Variants in ZNF527 observed in about 807,000 individuals in gnomAD.
ZNF527 encodes the protein zinc finger protein 527.
Under a neutral mutation model 13.5 loss-of-function variants are expected in ZNF527, and 5 were observed. The ratio of observed to expected loss-of-function variants is 0.37; its 90% CI spans 0.19 to 0.78. The LOEUF (loss-of-function observed/expected upper bound fraction) is 0.78, where lower values mean the gene tolerates loss of function less well. Among genes scored for constraint, ZNF527 ranks in the 30% least tolerant of loss-of-function variants. ZNF527 has a pLI of 0.48. For missense variants in ZNF527, 628 were observed against 726.4 expected (o/e 0.86, Z 1.56); for synonymous variants, 209 against 243.1 (o/e 0.86, Z 1.30).
At chr19:37,377,454 A>G (rs913968093) in intron 2 of ZNF527, among the ~76,000 whole-genome samples, 1 of 151,978 alleles carries the variant, frequency 6.6e-6, no homozygotes, top group African/African-American at 2.4e-5. Flanking sequence ...AGAGGAGGAG[A>G]GTGAATTTAT....
intron 1 of ZNF527, among the ~76,000 whole-genome samples, chr19:37,373,905 A>G (rs1203945667): frequency 6.6e-6 from 1 of 152,210 alleles, no homozygotes; most frequent in Non-Finnish European, 1.5e-5. Flanking sequence ...GGGCCAGATC[A>G]TGAACCACCT....
Position 37,388,742 on chromosome 19 carries a change from G to A in ZNF527, c.693G>A (p.Thr231=), listed in dbSNP as rs73930983. The A allele has an allele frequency of 6.1e-5, 98 of 1,612,726 alleles. No homozygotes were observed. The African/African-American group carries it at 1.1e-3, about 18-fold the overall frequency. The stretch of plus-strand genomic sequence containing the variant: ...AATGTGAAGAATTCAACCAGAGTAC[G>A]TACCTTAGTAAAGATATAGGAATTC... ...GNECEEFNQS[T]YLSKDIGIPP... Residue 231 remains threonine, a synonymous_variant, in exon 5 of 5, where the codon ACG becomes ACA. Transcript: ENST00000436120.
chr19:37,385,089 CTG>C (rs568207684), intron 4 of ZNF527: 2 of 507,806 alleles, frequency 3.9e-6, no homozygotes, highest in Non-Finnish European at 7.1e-6. Flanking sequence ...GCATCCCAAA[CTG>C]TTGGGATTAC....
At chr19:37,379,440 C>A in intron 3 of ZNF527, 194 bp downstream of exon 3, 7 of 395,734 alleles carry the variant, frequency 1.8e-5, no homozygotes, top group Non-Finnish European at 2.1e-5. Flanking sequence ...GGCAGACATT[C>A]TGAACACATG....
chr19:37,381,058 A>G (rs762746334), intron 4 of ZNF527, among the ~76,000 whole-genome samples: 1 of 152,004 alleles, frequency 6.6e-6, no homozygotes, highest in African/African-American at 2.4e-5. Context: ...TATCTTATCA[A>G]TGTCATCATT....
intron 3 of ZNF527, chr19:37,379,686 C>T (rs527403670): frequency 6.5e-6 from 1 of 154,944 alleles, no homozygotes; most frequent in East Asian, 1.9e-4. Context: ...TGGTCTCGAA[C>T]TCCTGACCTC....
In ZNF527 at chr19:37,388,418, C is replaced by T. The variant is rs913665550; in HGVS notation, c.369C>T (p.Cys123=). Residue 123 remains cysteine, a synonymous_variant, in exon 5 of 5, where the codon TGC becomes TGT. Coordinates refer to ENST00000436120, the MANE Select transcript of ZNF527 (RefSeq NM_032453.2). ...GGCTAGCAAGTCATGGCCTTGAATG[C>T]TCCAGTTTCAGAGAAGCCTGGAAAT... The part of the protein sequence containing the change: ...MERLASHGLE[C]SSFREAWKYK... 6.2e-7 allele frequency: 1 copy of T among 1,613,988 alleles called. No individual in the cohort carries two copies. The highest frequency in any genetic ancestry group is 1.3e-5 in the African/African-American group (1 of 74,894).
At chr19:37,372,094 G>T (rs1168314250) in intron 1 of ZNF527, among the ~76,000 whole-genome samples, 1 of 151,312 alleles carries the variant, frequency 6.6e-6, no homozygotes, top group East Asian at 2.0e-4. Context: ...CCGCCTCCCA[G>T]GTTCAAGTGA....
chr19:37,388,406 T>C lies in ZNF527; in HGVS notation c.357T>C (p.His119=), dbSNP rs770426780. 2.0e-5 allele frequency: 32 copies of C among 1,614,032 alleles called. No individual in the cohort carries two copies. Among genetic ancestry groups the C allele is most frequent in the Non-Finnish European group, 2.7e-5 (32 of 1,180,024 alleles). The change falls in exon 5 of 5, where the codon CAT becomes CAC. Residue 119 remains histidine, a synonymous_variant. Transcript: ENST00000436120. ...TGGTAATGGAAAGGCTAGCAAGTCA[T>C]GGCCTTGAATGCTCCAGTTTCAGAG... The part of the protein sequence containing the change: ...QEMVMERLAS[H]GLECSSFREA...
At chr19:37,376,588 C>T (rs754905336) in intron 2 of ZNF527, among the ~76,000 whole-genome samples, 1 of 148,780 alleles carries the variant, frequency 6.7e-6, no homozygotes, top group Non-Finnish European at 1.5e-5. Flanking sequence ...GCAGGAGAAT[C>T]GCTTGAACCC....
chr19:37,372,718 C>G (rs1207101879), intron 1 of ZNF527, among the ~76,000 whole-genome samples: 2 of 151,916 alleles, frequency 1.3e-5, no homozygotes, highest in Non-Finnish European at 2.9e-5. Flanking sequence ...AGTGATTTGC[C>G]CACCTTGACC....
At chr19:37,376,043 G>T (rs2040604917) in intron 2 of ZNF527, among the ~76,000 whole-genome samples, 1 of 152,184 alleles carries the variant, frequency 6.6e-6, no homozygotes. Context: ...AAGAGAGAAT[G>T]GAGGCCGGGT....
At position 37,389,440 on chromosome 19, in the gene ZNF527, A is replaced by G. The variant is rs2040731746; in HGVS notation, c.1391A>G (p.His464Arg). ...CACCTGAATCAACATCAGAGAATTC[A>G]TACCGGAGAAAAGCCCTATGAATGC... Reference protein sequence around the residue: ...RSHLNQHQRIHTGEKPYECIK... With the variant: ...RSHLNQHQRIRTGEKPYECIK... The change falls in exon 5 of 5, where the codon CAT becomes CGT. Residue 464 changes from histidine (H) to arginine (R), a missense_variant. Physicochemically the swap from His to Arg is conservative, Grantham distance 29 (BLOSUM62 0). Coordinates refer to ENST00000436120, the MANE Select transcript of ZNF527 (RefSeq NM_032453.2). 6.2e-7 allele frequency: 1 copy of G among 1,614,122 alleles called. No homozygotes were observed. Among genetic ancestry groups the G allele is most frequent in the Non-Finnish European group, 8.5e-7 (1 of 1,180,060 alleles).
chr19:37,372,601 T>A (rs1421670907), intron 1 of ZNF527, among the ~76,000 whole-genome samples: 1 of 150,316 alleles, frequency 6.7e-6, no homozygotes, highest in African/African-American at 2.5e-5. Context: ...GCCTCCCAAG[T>A]AGCTGGGACT....
Position 37,388,589 on chromosome 19 carries a change from A to G in ZNF527, c.540A>G (p.Thr180=), listed in dbSNP as rs1167384178. 4 of 1,614,176 alleles carry G rather than the reference A, an allele frequency of 2.5e-6. No homozygotes were observed. Among genetic ancestry groups the G allele is most frequent in the Non-Finnish European group, 2.5e-6 (3 of 1,180,018 alleles). ...RSIPLKSVFL[T]QQKVPTIQQV... is the part of the protein sequence containing the mutation. ...TACCCCTGAAATCAGTATTTTTAACACAACAGAAAGTTCCTACCATACAGC... is the reference window on the plus strand; with the variant it reads ...TACCCCTGAAATCAGTATTTTTAACGCAACAGAAAGTTCCTACCATACAGC... The change falls in exon 5 of 5, where the codon ACA becomes ACG. Residue 180 remains threonine (T), a synonymous_variant. Transcript: ENST00000436120.
intron 3 of ZNF527, among the ~76,000 whole-genome samples, chr19:37,379,849 G>A (rs756815710): frequency 6.6e-6 from 1 of 152,110 alleles, no homozygotes; most frequent in Non-Finnish European, 1.5e-5. Flanking sequence ...CATGTCCTGG[G>A]AATTTGTTAA....
Position 37,374,222 on chromosome 19 carries a change from C to T in ZNF527, c.24C>T (p.Ala8=). 1 of 1,614,040 alleles carries T rather than the reference C, an allele frequency of 6.2e-7. No homozygotes were observed. Among genetic ancestry groups the T allele is most frequent in the Admixed American group, 1.7e-5 (1 of 60,006 alleles). ...GAATGGCTGTGGGGCTTTGTAAAGC[C>T]ATGTCCCAGGTAAGCATGCTCTTTC... is the stretch of plus-strand genomic sequence containing the variant. MAVGLCK[A]MSQGLVTFRD... The change falls in exon 2 of 5, where the codon GCC becomes GCT. Residue 8 remains alanine, a synonymous_variant. Transcript: ENST00000436120.
At chr19:37,377,280 G>T (rs2040616060) in intron 2 of ZNF527, among the ~76,000 whole-genome samples, 1 of 152,162 alleles carries the variant, frequency 6.6e-6, no homozygotes, top group South Asian at 2.1e-4. Flanking sequence ...GGTCTTTGAA[G>T]CCTAGAGTTT....
At chr19:37,379,464 T>C (rs574862463) in intron 3 of ZNF527, 134 of 284,238 alleles carry the variant, frequency 4.7e-4, no homozygotes, top group Non-Finnish European at 7.0e-4. Context: ...TAATTTCTTT[T>C]TTTTTTTTTT....
Sources: allele counts gnomAD v4.1 joint callset (sites outside exome capture counted in the v4.1 genomes callset), GRCh38; gene constraint gnomAD v4.1.1; transcripts MANE v1.5; gene names NCBI Gene and HGNC (gene_info 2026-07-23, HGNC 2026-07-21).